Variants in TBX15 observed in about 807,000 individuals in gnomAD.
TBX15 encodes the protein T-box transcription factor TBX15.
Under a neutral mutation model 53.9 loss-of-function variants are expected in TBX15, and 18 were observed. The ratio of observed to expected loss-of-function variants is 0.33; its 90% confidence interval spans 0.23 to 0.49. The LOEUF (loss-of-function observed/expected upper bound fraction) is 0.49. TBX15 is among the 20% of genes least tolerant of loss of function. The pLI is 0.98. For missense variants in TBX15, 692 were observed against 749.5 expected (o/e 0.92, Z 0.90); for synonymous variants, 295 against 278.0 (o/e 1.06, Z -0.61).
At chr1:118,931,935 G>T in intron 1 of TBX15, 103 bp from the exon 2 acceptor site, 1 of 1,115,218 alleles carries the variant, frequency 9.0e-7, no homozygotes, top group Non-Finnish European at 1.3e-6. Context: ...GGGGAGAGGG[G>T]TAAACAAAAG....
chr1:118,989,332 C>T (rs918284116), upstream of TBX15: 1 of 152,226 alleles, frequency 6.6e-6, no homozygotes, highest in Non-Finnish European at 1.5e-5. Flanking sequence ...TCCAACGCTC[C>T]TGGCCATTCT....
At chr1:118,920,899 G>C (rs933275570) in intron 5 of TBX15, among the ~76,000 whole-genome samples, 1 of 152,112 alleles carries the variant, frequency 6.6e-6, no homozygotes, top group African/African-American at 2.4e-5. Context: ...AGAAACAGGA[G>C]GTTTAACAAT....
intron 6 of TBX15, among the ~76,000 whole-genome samples, chr1:118,905,114 G>C (rs1369774748): frequency 6.6e-6 from 1 of 152,132 alleles, no homozygotes; most frequent in Non-Finnish European, 1.5e-5. Context: ...ACCTATAATA[G>C]AAGAATATAC....
chr1:118,943,342 C>A (rs1656245713), intron 1 of TBX15, among the ~76,000 whole-genome samples: 1 of 151,936 alleles, frequency 6.6e-6, no homozygotes, highest in Admixed American at 6.6e-5. Flanking sequence ...GGGCCTAGGG[C>A]AAAACTATCA....
intron 5 of TBX15, among the ~76,000 whole-genome samples, chr1:118,915,393 T>C (rs2101568033): frequency 6.6e-6 from 1 of 152,326 alleles, no homozygotes; most frequent in East Asian, 1.9e-4. Flanking sequence ...TCTTTAAAGG[T>C]CTTTCAAAGC....
intron 5 of TBX15, among the ~76,000 whole-genome samples, chr1:118,918,734 C>T (rs181426402): frequency 9.9e-5 from 15 of 152,214 alleles, no homozygotes; most frequent in South Asian, 2.1e-4. Context: ...ATCATTGTCA[C>T]GGACTTCTTG....
intron 1 of TBX15, among the ~76,000 whole-genome samples, chr1:118,984,622 A>T (rs1218138174): frequency 6.6e-6 from 1 of 152,218 alleles, no homozygotes; most frequent in East Asian, 1.9e-4. Context: ...CTCGAGAGCC[A>T]GGCTCCTCCG....
chr1:118,898,355 C>G (rs1654501114), intron 7 of TBX15, among the ~76,000 whole-genome samples: 1 of 152,158 alleles, frequency 6.6e-6, no homozygotes, highest in Admixed American at 6.6e-5. Flanking sequence ...CCTGGGAAAG[C>G]TACAGACAAG....
intron 1 of TBX15, among the ~76,000 whole-genome samples, 195 bp from the exon 2 acceptor site, chr1:118,932,027 CCTT>C (rs1655809729): frequency 6.6e-6 from 1 of 152,086 alleles, no homozygotes; most frequent in Non-Finnish European, 1.5e-5. Context: ...TGATTTATGA[CCTT>C]CTTTCAGGTT....
At chr1:118,930,215 A>G (rs777099573) in intron 2 of TBX15, among the ~76,000 whole-genome samples, 13 of 152,198 alleles carry the variant, frequency 8.5e-5, no homozygotes, top group Non-Finnish European at 1.9e-4. Context: ...CCCAACCAAA[A>G]TATTATTTTA....
chr1:118,903,420 CAAT>C (rs1654702000), intron 6 of TBX15, among the ~76,000 whole-genome samples: 1 of 152,140 alleles, frequency 6.6e-6, no homozygotes, highest in South Asian at 2.1e-4. Context: ...ATAAGTACAA[CAAT>C]AATTATAATA....
chr1:118,920,181 A>C (rs1335253894), intron 5 of TBX15, among the ~76,000 whole-genome samples: 2 of 152,208 alleles, frequency 1.3e-5, no homozygotes, highest in Admixed American at 6.5e-5. Flanking sequence ...AAAAGGTACA[A>C]CTTTTGTTCT....
intron 5 of TBX15, among the ~76,000 whole-genome samples, chr1:118,916,683 A>G (rs1321990439): frequency 6.6e-6 from 1 of 151,938 alleles, no homozygotes; most frequent in African/African-American, 2.4e-5. Context: ...GGGAAACATG[A>G]TGAAACACCA....
At chr1:118,896,747 GTCTCT>G (rs1384286289) in intron 7 of TBX15, among the ~76,000 whole-genome samples, 1 of 152,150 alleles carries the variant, frequency 6.6e-6, no homozygotes, top group African/African-American at 2.4e-5. Flanking sequence ...GCATGGCTGT[GTCTCT>G]TCTCTTCATT....
intron 7 of TBX15, among the ~76,000 whole-genome samples, chr1:118,892,473 A>G (rs1231752694): frequency 6.6e-6 from 1 of 152,206 alleles, no homozygotes; most frequent in East Asian, 1.9e-4. Flanking sequence ...AAGAAGATAA[A>G]AGAGGAGTGT....
intron 7 of TBX15, among the ~76,000 whole-genome samples, chr1:118,894,788 G>A (rs562257447): frequency 9.2e-5 from 14 of 152,182 alleles, no homozygotes; most frequent in African/African-American, 3.1e-4. Flanking sequence ...GAACTTCGGG[G>A]ACAAAACAAA....
At chr1:118,914,288 T>A (rs1655116450) in intron 5 of TBX15, 109 bp from the exon 6 acceptor site, 1 of 1,031,876 alleles carries the variant, frequency 9.7e-7, no homozygotes, top group African/African-American at 1.6e-5. Context: ...GTTGCTTTTA[T>A]TTAATTTCCT....
intron 1 of TBX15, among the ~76,000 whole-genome samples, chr1:118,934,150 AC>A (rs1366490849): frequency 6.6e-6 from 1 of 152,176 alleles, no homozygotes; most frequent in Non-Finnish European, 1.5e-5. Flanking sequence ...TTAATGAATA[AC>A]CTTAGACAAG....
rs774198029 is a variant in TBX15, at chr1:118,899,141, C to G, written c.927-16G>C. On this transcript the variant is annotated splice_polypyrimidine_tract_variant and intron_variant, in intron 6 of 7. Coordinates refer to ENST00000369429, the MANE Select transcript of TBX15 (RefSeq NM_001330677.2). ...AAGTCCAGTTCTGACAAGAGAAAAG[C>G]CAGCAAAGGAAGTCATAAATAATTT... 1.2e-6 allele frequency: 2 copies of G among 1,609,914 alleles called. No individual in the cohort carries two copies. Among genetic ancestry groups the G allele is most frequent in the Non-Finnish European group, 1.7e-6 (2 of 1,176,766 alleles).
Sources: allele counts gnomAD v4.1 joint callset (sites outside exome capture counted in the v4.1 genomes callset), GRCh38; gene constraint gnomAD v4.1.1; transcripts MANE v1.5; gene names NCBI Gene and HGNC (gene_info 2026-07-23, HGNC 2026-07-21).